RUFY3: variants seen among roughly 807,000 people sequenced by gnomAD.
The protein encoded by RUFY3 is protein RUFY3.
A neutral mutation model predicts 84.0 loss-of-function variants in RUFY3; 34 were observed. The observed-to-expected ratio is 0.40, with a 90% CI of 0.31 to 0.54. The LOEUF is 0.54. Among genes scored for constraint, RUFY3 ranks in the 20% least tolerant of loss-of-function variants. RUFY3 has a pLI of 0.39. For missense variants in RUFY3, 507 were observed against 736.8 expected, an observed-to-expected ratio of 0.69 and a Z score of 3.61; for synonymous variants, 242 against 252.9, an observed-to-expected ratio of 0.96 and a Z score of 0.41.
chr4:70,798,442 G>A (rs997602129), intron 14 of RUFY3, among the ~76,000 whole-genome samples: 4 of 152,076 alleles, frequency 2.6e-5, no homozygotes, highest in Admixed American at 6.5e-5. Context: ...GGCAGCAGTC[G>A]AAGGCAAGCA....
chr4:70,757,819 C>T (rs2148691723), intron 1 of RUFY3, among the ~76,000 whole-genome samples: 1 of 152,186 alleles, frequency 6.6e-6, no homozygotes, highest in East Asian at 1.9e-4. Context: ...AGCATTAAAA[C>T]AATATCTAAC....
At chr4:70,703,793 A>G (rs1327717006), upstream of RUFY3, 1 of 152,252 alleles carries the variant, frequency 6.6e-6, no homozygotes, top group Non-Finnish European at 1.5e-5. Context: ...TTTTCCTTTC[A>G]AAGAAGTACA....
chr4:70,770,825 A>G (rs558807925), intron 5 of RUFY3, among the ~76,000 whole-genome samples: 32 of 152,200 alleles, frequency 2.1e-4, no homozygotes, highest in African/African-American at 7.7e-4. Flanking sequence ...TTCTTCACTG[A>G]GCTTAATTTT....
At chr4:70,762,465 T>C in intron 1 of RUFY3, 54 bp from the exon 2 acceptor site, 1 of 1,493,562 alleles carries the variant, frequency 6.7e-7, no homozygotes, top group East Asian at 2.3e-5. Flanking sequence ...TACTGAATTT[T>C]AAAATGTGCT....
At chr4:70,742,385 A>G (rs1721451692) in intron 1 of RUFY3, among the ~76,000 whole-genome samples, 1 of 152,176 alleles carries the variant, frequency 6.6e-6, no homozygotes, top group African/African-American at 2.4e-5. Context: ...TTGCTGTAGC[A>G]CACACCCCTG....
Position 70,807,986 on chromosome 4 carries a change from T to C in RUFY3, c.*1327T>C, listed in dbSNP as rs1733004879. 6.6e-6 allele frequency among the ~76,000 whole-genome samples: 1 copy of C among 152,134 alleles called. No individual in the cohort carries two copies. Among genetic ancestry groups the C allele is most frequent in the South Asian group, 2.1e-4 (1 of 4,814 alleles). On this transcript the variant is annotated 3_prime_UTR_variant, in exon 18 of 18. Transcript: ENST00000381006. Reference sequence around the variant, plus strand: ...CCAGGAACCCAACTTGATATCAGAATCCATGGGTGCTCAAGTCCCATTATA... The same window carrying C: ...CCAGGAACCCAACTTGATATCAGAACCCATGGGTGCTCAAGTCCCATTATA...
In RUFY3 at chr4:70,796,793, A is replaced by T. The variant is rs1045090863; in HGVS notation, c.1557+1899A>T. Among the ~76,000 whole-genome samples the T allele has an allele frequency of 6.6e-4, 101 of 152,092 alleles. 1 individual carries two copies. The highest frequency in any genetic ancestry group is 1.3e-4 in the Non-Finnish European group (9 of 68,022). On this transcript the variant is annotated intron_variant, in intron 14 of 17. Transcript: ENST00000381006. ...TGCCCACTTCTTTGGGGACAATCCT[A>T]AAGCATTGTCCCCAAAAGCTTTTTG... is the stretch of plus-strand genomic sequence containing the variant.
chr4:70,745,872 C>T (rs10029905), intron 1 of RUFY3, among the ~76,000 whole-genome samples: 2 of 152,084 alleles, frequency 1.3e-5, no homozygotes, highest in East Asian at 1.9e-4. Context: ...GATTACTTGA[C>T]GTCAGGAGTT....
At chr4:70,739,398 G>C (rs777414700) in intron 1 of RUFY3, among the ~76,000 whole-genome samples, 1 of 152,108 alleles carries the variant, frequency 6.6e-6, no homozygotes, top group Non-Finnish European at 1.5e-5. Context: ...AGTTGACATT[G>C]AGTACCTATG....
intron 14 of RUFY3, chr4:70,799,818 G>GA (rs953079376): frequency 4.5e-3 from 1,061 of 234,848 alleles, no homozygotes; most frequent in Middle Eastern, 8.6e-3. Flanking sequence ...CTGGGGAAAA[G>GA]AAAAAAAAAA....
At chr4:70,778,344 C>A in intron 7 of RUFY3, 25 bp from the exon 8 acceptor site, 1 of 1,383,658 alleles carries the variant, frequency 7.2e-7, no homozygotes, top group Non-Finnish European at 1.0e-6. Flanking sequence ...TCAAAAGTGA[C>A]TTTTTTTTCT....
intron 1 of RUFY3, among the ~76,000 whole-genome samples, chr4:70,745,873 G>A (rs750035446): frequency 7.2e-5 from 11 of 152,144 alleles, no homozygotes; most frequent in Admixed American, 1.3e-4. Flanking sequence ...ATTACTTGAC[G>A]TCAGGAGTTC....
Position 70,783,097 on chromosome 4 carries a change from G to A in RUFY3, c.901G>A (p.Val301Ile). 1 of 1,598,590 alleles carries A rather than the reference G, an allele frequency of 6.3e-7. No homozygotes were observed. Among genetic ancestry groups the A allele is most frequent in the Non-Finnish European group, 8.5e-7 (1 of 1,171,336 alleles). Residue 301 changes from valine (V) to isoleucine (I), a missense_variant, in exon 9 of 18, where the codon GTT (valine) becomes ATT (isoleucine). Transcript: ENST00000381006. Reference sequence around the variant, plus strand: ...TTTAAAATTTTATCCACAGCTTGCAGTTGCAAACAACAGGATCATTACCTT... The same window carrying A: ...TTTAAAATTTTATCCACAGCTTGCAATTGCAAACAACAGGATCATTACCTT... ...SNTKLTEELAVANNRIITLQE... is the reference protein window; with the variant it reads ...SNTKLTEELAIANNRIITLQE...
At chr4:70,744,188 A>T (rs1334072816) in intron 1 of RUFY3, among the ~76,000 whole-genome samples, 1 of 151,878 alleles carries the variant, frequency 6.6e-6, no homozygotes, top group Non-Finnish European at 1.5e-5. Flanking sequence ...GCTTTTTTAA[A>T]ATTTTATTTT....
rs200493720 is a variant in RUFY3 at position 70,707,710 on chromosome 4, C to CAA, written c.358+2428_358+2429dup. On this transcript the variant is annotated intron_variant, in intron 1 of 11. Coordinates refer to the RUFY3 transcript ENST00000417478. The stretch of plus-strand genomic sequence containing the variant: ...AGTCACTGAGAACATTTCATATTAG[C>CAA]AAAAAAAAAAAAATCACTATTACAT... 2.6e-3 allele frequency among the ~76,000 whole-genome samples: 353 copies of CAA among 137,818 alleles called. 2 individuals carry two copies. The highest frequency in any genetic ancestry group is 7.7e-3 in the African/African-American group (302 of 39,154). The allele number at this position is 137,818 out of a possible 152,430, so 90.4% of individuals were successfully genotyped here.
chr4:70,806,751 G>C lies in RUFY3; in HGVS notation c.*92G>C, dbSNP rs757134727. The C allele has an allele frequency of 1.7e-5, 25 of 1,468,724 alleles. No individual in the cohort carries two copies. Among genetic ancestry groups the C allele is most frequent in the Non-Finnish European group, 2.3e-5 (25 of 1,075,350 alleles). 91.0% of individuals were successfully genotyped at this position (1,468,724 alleles called of 1,614,324 possible). A position where few individuals can be genotyped will look rare whatever the true frequency, so the allele number is the denominator to read the frequency against. ...AGGATCTCATAGAGCCCAGTTCTTA[G>C]AGTCAACTAAAGAGTTGATAGGAAT... On this transcript the variant is annotated 3_prime_UTR_variant, in exon 18 of 18. Transcript: ENST00000381006.
intron 1 of RUFY3, among the ~76,000 whole-genome samples, chr4:70,748,600 T>C (rs1722607831): frequency 6.6e-6 from 1 of 152,128 alleles, no homozygotes; most frequent in African/African-American, 2.4e-5. Context: ...GACACAAGAC[T>C]CCTAGGTCAG....
chr4:70,716,147 T>C (rs903608442), intron 1 of RUFY3, among the ~76,000 whole-genome samples: 3 of 151,966 alleles, frequency 2.0e-5, no homozygotes, highest in Non-Finnish European at 2.9e-5. Flanking sequence ...AGAATGTGTT[T>C]TTGTTATTGT....
At chr4:70,783,055 A>C in intron 8 of RUFY3, 36 bp from the exon 9 acceptor site, 1 of 1,276,614 alleles carries the variant, frequency 7.8e-7, no homozygotes, top group Non-Finnish European at 1.1e-6. Flanking sequence ...TTAATTTTAA[A>C]AAGATAAAAG....
Sources: allele counts gnomAD v4.1 joint callset (sites outside exome capture counted in the v4.1 genomes callset), GRCh38; gene constraint gnomAD v4.1.1; transcripts MANE v1.5; gene names NCBI Gene and HGNC (gene_info 2026-07-23, HGNC 2026-07-21).